The following ACOX3 variants were observed in gnomAD, a reference collection of about 807,000 sequenced individuals.
The protein encoded by ACOX3 is acyl-CoA oxidase 3, pristanoyl, also known as peroxisomal acyl-coenzyme A oxidase 3.
ACOX3 carries 73 observed loss-of-function variants against 81.5 expected under a neutral mutation model. That is an observed-to-expected ratio of 0.90 (90% CI 0.74 to 1.09). The LOEUF (loss-of-function observed/expected upper bound fraction) is 1.09, where lower values mean the gene tolerates loss of function less well. ACOX3 is among the 50% of genes least tolerant of loss of function. The pLI, the probability that ACOX3 is intolerant of heterozygous loss-of-function variation, is 0.00. For synonymous variants in ACOX3, 387 were observed against 375.1 expected, an observed-to-expected ratio of 1.03 and a Z score of -0.37; for missense variants, 947 against 928.0, an observed-to-expected ratio of 1.02 and a Z score of -0.27.
chr4:8,380,095 C>T (rs536965142), intron 14 of ACOX3, among the ~76,000 whole-genome samples: 11 of 152,290 alleles, frequency 7.2e-5, no homozygotes, highest in South Asian at 4.1e-4. Flanking sequence ...GGTCACTTCA[C>T]GCTTTGGTCA....
At chr4:8,438,466 C>T (rs551411634) in intron 1 of ACOX3, among the ~76,000 whole-genome samples, 1 of 152,320 alleles carries the variant, frequency 6.6e-6, no homozygotes, top group Non-Finnish European at 1.5e-5. Flanking sequence ...AAGTCAGCTG[C>T]ACCCTCACCA....
At chr4:8,374,774 T>G in intron 15 of ACOX3, 1 of 490,444 alleles carries the variant, frequency 2.0e-6, no homozygotes, top group South Asian at 7.2e-5. Flanking sequence ...AAAGAAAAAT[T>G]GGGTTTCTCG....
chr4:8,415,406 T>C (rs191759518), intron 3 of ACOX3, among the ~76,000 whole-genome samples: 2 of 151,818 alleles, frequency 1.3e-5, no homozygotes, highest in East Asian at 3.9e-4. Flanking sequence ...GCCTACTTTT[T>C]AAATTTTTTT....
Position 8,394,875 on chromosome 4 carries a change from T to C in ACOX3, c.1057-133A>G. 3 of 1,230,182 alleles carry C rather than the reference T, an allele frequency of 2.4e-6. No homozygotes were observed. Among genetic ancestry groups the C allele is most frequent in the Non-Finnish European group, 3.3e-6 (3 of 910,986 alleles). The allele number at this position is 1,230,182 out of a possible 1,614,324, so 76.2% of individuals were successfully genotyped here. A position where few individuals can be genotyped will look rare whatever the true frequency, so the allele number is the denominator to read the frequency against. On this transcript the variant is annotated intron_variant, in intron 9 of 17. Transcript: ENST00000356406. This position sits in a 1 kb window ranked among gnomAD's most constrained non-coding sequence, Gnocchi z 5.9. ...CCCACTAGCGCTGAAGGTCTTCACA[T>C]GTCTTCCCGGCACATCAGAAAGCCT...
intron 7 of ACOX3, among the ~76,000 whole-genome samples, chr4:8,401,194 A>G (rs1329320261): frequency 6.6e-6 from 1 of 152,064 alleles, no homozygotes; most frequent in Non-Finnish European, 1.5e-5. Context: ...ACACAGAGGA[A>G]GCTTTGCTGG....
At chr4:8,410,100 C>T (rs1156333566) in intron 6 of ACOX3, 112 bp downstream of exon 6, 5 of 1,386,982 alleles carry the variant, frequency 3.6e-6, no homozygotes, top group Middle Eastern at 2.6e-4. Context: ...GGTCCACTCA[C>T]CAGATGCCAG....
intron 7 of ACOX3, among the ~76,000 whole-genome samples, chr4:8,404,229 C>A (rs1394769278): frequency 6.6e-6 from 1 of 152,190 alleles, no homozygotes; most frequent in Admixed American, 6.5e-5. Flanking sequence ...ACACGGGCAC[C>A]GTCCATGCCA....
At position 8,375,083 on chromosome 4, in the gene ACOX3, C is replaced by A; in HGVS notation, c.1723G>T (p.Val575Leu). 6.4e-7 allele frequency: 1 copy of A among 1,554,062 alleles called. No homozygotes were observed. The highest frequency in any genetic ancestry group is 8.7e-7 in the Non-Finnish European group (1 of 1,148,652). Residue 575 changes from valine to leucine, a missense_variant, in exon 15 of 18, where the codon GTG (valine) becomes TTG (leucine). Transcript: ENST00000356406. The stretch of plus-strand genomic sequence containing the variant: ...GAGGGCGGCACGGAAGGCTGGTGCA[C>A]GTGCTCGTGGAACCTCTGGACCACC... ...LTVVQRFHEH[V>L]HQPSVPPSLR...
intron 1 of ACOX3, chr4:8,436,182 G>C (rs769570524): frequency 6.6e-6 from 1 of 152,084 alleles, no homozygotes; most frequent in Non-Finnish European, 1.5e-5. Context: ...GAGCCCTGTC[G>C]AGCATTAACT....
intron 16 of ACOX3, among the ~76,000 whole-genome samples, chr4:8,372,994 G>A (rs1716414630): frequency 6.6e-6 from 1 of 152,210 alleles, no homozygotes; most frequent in African/African-American, 2.4e-5. Context: ...CAGCACTGCA[G>A]CTTCTGTCCC....
Position 8,414,967 on chromosome 4 carries a change from A to G in ACOX3, c.379-39T>C, listed in dbSNP as rs1309244981. On this transcript the variant is annotated intron_variant, in intron 3 of 17. Coordinates refer to ENST00000356406, the MANE Select transcript of ACOX3 (RefSeq NM_003501.3). This position sits in a 1 kb window ranked among gnomAD's most constrained non-coding sequence, Gnocchi z 6.1. ...ATCGTCCTATCAACAGGGGGCAGGTAAGAAGAGTACTGCTCTTCCGGAACA... is the reference window on the plus strand; with the variant it reads ...ATCGTCCTATCAACAGGGGGCAGGTGAGAAGAGTACTGCTCTTCCGGAACA... 1 of 1,582,644 alleles carries G rather than the reference A, an allele frequency of 6.3e-7. No homozygotes were observed. Among genetic ancestry groups the G allele is most frequent in the East Asian group, 2.2e-5 (1 of 44,710 alleles).
At position 8,416,341 on chromosome 4, in the gene ACOX3, G is replaced by A. The variant is rs777761775; in HGVS notation, c.144+37C>T. 2.5e-6 allele frequency: 4 copies of A among 1,613,608 alleles called. No homozygotes were observed. In the African/African-American group the frequency reaches 5.3e-5, roughly 22 times the overall value. On this transcript the variant is annotated intron_variant, in intron 2 of 17. Transcript: ENST00000356406. This position sits in a 1 kb window ranked among gnomAD's most constrained non-coding sequence, Gnocchi z 4.2. Reference sequence around the variant, plus strand: ...CTGCTAACGAACTAAGACCCCACTGGGAAAAAAGACAAGCTGCGCACAACC... The same window carrying A: ...CTGCTAACGAACTAAGACCCCACTGAGAAAAAAGACAAGCTGCGCACAACC...
Position 8,416,021 on chromosome 4 carries a change from A to G in ACOX3, c.145-22T>C. Reference sequence around the variant, plus strand: ...TTTTCTGGAAATGCAGGAGATGGGTAAGGCTTATTTGGAGTAAAAGATGGA... The same window carrying G: ...TTTTCTGGAAATGCAGGAGATGGGTGAGGCTTATTTGGAGTAAAAGATGGA... On this transcript the variant is annotated intron_variant, in intron 2 of 17. Coordinates refer to ENST00000356406, the MANE Select transcript of ACOX3 (RefSeq NM_003501.3). The surrounding 1 kb of genome is among the most constrained non-coding windows in gnomAD (Gnocchi z 4.2). 1 of 1,607,290 alleles carries G rather than the reference A, an allele frequency of 6.2e-7. No homozygotes were observed. The highest frequency in any genetic ancestry group is 8.5e-7 in the Non-Finnish European group (1 of 1,174,134).
chr4:8,408,750 G>A (rs897389465), intron 6 of ACOX3, among the ~76,000 whole-genome samples: 1 of 152,162 alleles, frequency 6.6e-6, no homozygotes, highest in Non-Finnish European at 1.5e-5. Flanking sequence ...GTGTGCTCAT[G>A]AGATGGTTGC....
chr4:8,380,892 A>C (rs1013251939), intron 14 of ACOX3, among the ~76,000 whole-genome samples: 3 of 152,122 alleles, frequency 2.0e-5, no homozygotes, highest in South Asian at 4.1e-4. Context: ...CCCCCTAGAC[A>C]GGGTGGGGGC....
Position 8,416,276 on chromosome 4 carries a change from G to A in ACOX3, c.144+102C>T, listed in dbSNP as rs187789155. 7.6e-6 allele frequency: 12 copies of A among 1,587,454 alleles called. No individual in the cohort carries two copies. Among genetic ancestry groups the A allele is most frequent in the South Asian group, 3.3e-5 (3 of 89,670 alleles). ...GGCCGCGCTGCCTGGGATGAGCCTCGCCCGGCAGAGGAGGAGCTGTGAGAG... is the reference window on the plus strand; with the variant it reads ...GGCCGCGCTGCCTGGGATGAGCCTCACCCGGCAGAGGAGGAGCTGTGAGAG... On this transcript the variant is annotated intron_variant, in intron 2 of 17. Transcript: ENST00000356406. The surrounding 1 kb of genome is among the most constrained non-coding windows in gnomAD (Gnocchi z 4.2).
At position 8,416,366 on chromosome 4, in the gene ACOX3, C is replaced by T. The variant is rs1337381168; in HGVS notation, c.144+12G>A. On this transcript the variant is annotated intron_variant, in intron 2 of 17. Coordinates refer to ENST00000356406, the MANE Select transcript of ACOX3 (RefSeq NM_003501.3). This position sits in a 1 kb window ranked among gnomAD's most constrained non-coding sequence, Gnocchi z 4.2. ...GGAAAAAAGACAAGCTGCGCACAAC[C>T]GCACGCCTCACCTTAAAGCGGAGCA... 34 of 1,614,000 alleles carry T rather than the reference C, an allele frequency of 2.1e-5. No homozygotes were observed. The highest frequency in any genetic ancestry group is 5.0e-5 in the Admixed American group (3 of 60,002).
chr4:8,416,310 C>A lies in ACOX3; in HGVS notation c.144+68G>T. On this transcript the variant is annotated intron_variant, in intron 2 of 17. Coordinates refer to ENST00000356406, the MANE Select transcript of ACOX3 (RefSeq NM_003501.3). This position sits in a 1 kb window ranked among gnomAD's most constrained non-coding sequence, Gnocchi z 4.2. ...AGGAGGAGCTGTGAGAGCCAGAAAT[C>A]CCATTCTGCTAACGAACTAAGACCC... 4 of 1,611,720 alleles carry A rather than the reference C, an allele frequency of 2.5e-6. No homozygotes were observed. The highest frequency in any genetic ancestry group is 3.4e-6 in the Non-Finnish European group (4 of 1,179,498).
chr4:8,370,801 C>T lies in ACOX3; in HGVS notation c.1983+107G>A. 1.9e-6 allele frequency: 2 copies of T among 1,041,630 alleles called. No individual in the cohort carries two copies. Among genetic ancestry groups the T allele is most frequent in the Admixed American group, 1.9e-5 (1 of 52,110 alleles). 64.5% of individuals were successfully genotyped at this position (1,041,630 alleles called of 1,614,324 possible). ...CCCCAAGAAGCTCCTCCATGTGTGA[C>T]CACTTTCCAGAAGACACCAGACCCC... On this transcript the variant is annotated intron_variant, in intron 17 of 17. Coordinates refer to ENST00000356406, the MANE Select transcript of ACOX3 (RefSeq NM_003501.3). This position sits in a 1 kb window ranked among gnomAD's most constrained non-coding sequence, Gnocchi z 6.3.
Sources: gnomAD v4.1 joint callset for allele counts (sites outside exome capture counted in the v4.1 genomes callset) on GRCh38, gnomAD v4.1.1 for gene constraint, Gnocchi (gnomAD v3.1) non-coding constraint, MANE v1.5 for transcripts, NCBI Gene and HGNC (gene_info 2026-07-23, HGNC 2026-07-21) for gene names.